The following TEX36 variants were observed in gnomAD, a reference collection of about 807,000 sequenced individuals.
TEX36 encodes testis-expressed protein 36.
A neutral mutation model predicts 13.6 loss-of-function variants in TEX36; 12 were observed. The observed-to-expected ratio is 0.88, with a 90% CI of 0.56 to 1.43. TEX36 has a LOEUF of 1.43. Among genes scored for constraint, TEX36 ranks in the 40% most tolerant of loss-of-function variants. The pLI is 0.00. For missense variants in TEX36, 224 were observed against 228.3 expected (o/e 0.98, Z 0.12); for synonymous variants, 93 against 83.0 (o/e 1.12, Z -0.65).
At position 125,681,027 on chromosome 10, in the gene TEX36, T is replaced by C. The variant is rs549499261; in HGVS notation, c.51+1912A>G. Among the ~76,000 whole-genome samples, 4 of 152,312 alleles carry C rather than the reference T, an allele frequency of 2.6e-5. No individual in the cohort carries two copies. The East Asian group carries it at 7.7e-4, about 29-fold the overall frequency. On this transcript the variant is annotated intron_variant, in intron 1 of 3. Transcript: ENST00000368821. ...AAATTGGCCATGTGACACAGTGAGA[T>C]GGAAGCAGAGGTCTAGGGAGCAGGC...
intron 3 of TEX36, among the ~76,000 whole-genome samples, chr10:125,614,800 T>G (rs1846336648): frequency 6.6e-6 from 1 of 152,220 alleles, no homozygotes; most frequent in African/African-American, 2.4e-5. Context: ...TCAAAGTAGT[T>G]TTTTCCAATT....
intron 3 of TEX36, among the ~76,000 whole-genome samples, chr10:125,612,342 C>T (rs1409218959): frequency 6.6e-6 from 1 of 151,634 alleles, no homozygotes; most frequent in Non-Finnish European, 1.5e-5. Context: ...CCTTGGCCTC[C>T]CAAAGTGCTG....
chr10:125,605,594 A>G (rs1367399180), intron 3 of TEX36, among the ~76,000 whole-genome samples: 4 of 137,970 alleles, frequency 2.9e-5, no homozygotes, highest in Non-Finnish European at 5.1e-5. Context: ...ATGTTTATTT[A>G]TTTATTTATT....
intron 1 of TEX36, among the ~76,000 whole-genome samples, chr10:125,671,614 A>G (rs748722314): frequency 3.9e-5 from 6 of 152,124 alleles, no homozygotes; most frequent in Non-Finnish European, 1.5e-5. Context: ...TGTCTCTGCC[A>G]GGTTTTGGTA....
At chr10:125,610,160 T>C (rs1197091705) in intron 3 of TEX36, among the ~76,000 whole-genome samples, 1 of 152,226 alleles carries the variant, frequency 6.6e-6, no homozygotes, top group African/African-American at 2.4e-5. Flanking sequence ...AACTCATGAA[T>C]AATCCACCCC....
In TEX36 at chr10:125,612,536, C is replaced by T. The variant is rs149140653; in HGVS notation, c.265-35662G>A. 7.0e-3 allele frequency among the ~76,000 whole-genome samples: 1,067 copies of T among 152,264 alleles called. 13 individuals are homozygous for T. The highest frequency in any genetic ancestry group is 0.023 in the African/African-American group (958 of 41,540). On this transcript the variant is annotated intron_variant, in intron 3 of 3. Transcript: ENST00000532135. ...TTACATATGTATGTATATATACACA[C>T]ATTACTATGTATATAGCTTTATGGC...
intron 3 of TEX36, among the ~76,000 whole-genome samples, chr10:125,597,538 G>A (rs1846095554): frequency 6.6e-6 from 1 of 152,194 alleles, no homozygotes; most frequent in Non-Finnish European, 1.5e-5. Context: ...AATACATGGA[G>A]GTTTTATGTT....
chr10:125,679,934 G>A (rs1054122169), intron 1 of TEX36, among the ~76,000 whole-genome samples: 17 of 152,126 alleles, frequency 1.1e-4, no homozygotes, highest in African/African-American at 4.1e-4. Flanking sequence ...TAGCAACCAA[G>A]CACTCATATG....
At position 125,605,576 on chromosome 10, in the gene TEX36, G is replaced by A. The variant is rs866584084; in HGVS notation, c.265-28702C>T. 3.8e-4 allele frequency among the ~76,000 whole-genome samples: 57 copies of A among 151,880 alleles called. 1 individual carries two copies. The highest frequency in any genetic ancestry group is 1.4e-3 in the African/African-American group (57 of 41,462). On this transcript the variant is annotated intron_variant, in intron 3 of 3. Coordinates refer to the TEX36 transcript ENST00000532135. ...AAGGAATGAATGAAGAAACTTTCTG[G>A]GTCCAAGATGTTTATTTATTTATTT...
intron 3 of TEX36, among the ~76,000 whole-genome samples, chr10:125,605,704 C>T (rs1033090862): frequency 1.3e-5 from 2 of 152,142 alleles, no homozygotes; most frequent in South Asian, 2.1e-4. Context: ...TGGGTTCAAG[C>T]GATTCTCCTG....
At chr10:125,612,663 A>G (rs1243953958) in intron 3 of TEX36, among the ~76,000 whole-genome samples, 3 of 152,168 alleles carry the variant, frequency 2.0e-5, no homozygotes, top group African/African-American at 4.8e-5. Flanking sequence ...TAGCTCCCTT[A>G]GTAATCCCCC....
chr10:125,627,885 C>T (rs868490489), intron 3 of TEX36, among the ~76,000 whole-genome samples: 4 of 152,100 alleles, frequency 2.6e-5, no homozygotes, highest in Non-Finnish European at 2.9e-5. Flanking sequence ...AGGTGCCAGG[C>T]GGTAACACCT....
chr10:125,654,177 T>C (rs1013999963), downstream of TEX36, among the ~76,000 whole-genome samples: 2 of 152,082 alleles, frequency 1.3e-5, no homozygotes, highest in African/African-American at 4.8e-5. Context: ...ACTTTCTTTT[T>C]ATTTTATAGA....
At chr10:125,584,608 A>G (rs796820888) in intron 3 of TEX36, among the ~76,000 whole-genome samples, 3 of 152,222 alleles carry the variant, frequency 2.0e-5, no homozygotes, top group Admixed American at 2.0e-4. Flanking sequence ...AAATGACATC[A>G]TAAGTGTGGG....
chr10:125,657,265 C>T (rs868421068), intron 3 of TEX36, among the ~76,000 whole-genome samples: 48 of 152,062 alleles, frequency 3.2e-4, no homozygotes, highest in Admixed American at 1.0e-3. Context: ...TGAGGACAGT[C>T]TATAAAGGGA....
chr10:125,607,854 T>C (rs1846234526), intron 3 of TEX36, among the ~76,000 whole-genome samples: 2 of 152,244 alleles, frequency 1.3e-5, no homozygotes, highest in South Asian at 4.1e-4. Flanking sequence ...ACTATAACCC[T>C]GTCTCGAGTT....
intron 3 of TEX36, among the ~76,000 whole-genome samples, chr10:125,583,369 T>C (rs1030198561): frequency 2.0e-5 from 3 of 151,396 alleles, no homozygotes; most frequent in African/African-American, 7.3e-5. Context: ...AAGGGCATGG[T>C]CTGTGTTTTC....
intron 3 of TEX36, among the ~76,000 whole-genome samples, chr10:125,622,534 C>T (rs1057238239): frequency 6.6e-6 from 1 of 152,224 alleles, no homozygotes; most frequent in Non-Finnish European, 1.5e-5. Flanking sequence ...TGATTTTTCA[C>T]CTGGTACTGT....
At chr10:125,621,410 T>C (rs867137372), downstream of TEX36, among the ~76,000 whole-genome samples, 1 of 152,168 alleles carries the variant, frequency 6.6e-6, no homozygotes, top group Middle Eastern at 3.4e-3. Context: ...AGAGCTGATA[T>C]CTCATTTTGC....
Sources: gnomAD v4.1 joint callset for allele counts (sites outside exome capture counted in the v4.1 genomes callset) on GRCh38, gnomAD v4.1.1 for gene constraint, MANE v1.5 for transcripts, NCBI Gene and HGNC (gene_info 2026-07-23, HGNC 2026-07-21) for gene names.